The following ALG5 variants were observed in gnomAD, a reference collection of about 807,000 sequenced individuals.
ALG5 encodes ALG5 dolichyl-phosphate beta-glucosyltransferase.
A neutral mutation model predicts 51.8 loss-of-function variants in ALG5; 26 were observed. That is an observed-to-expected ratio of 0.50 (90% confidence interval 0.37 to 0.70). The LOEUF is 0.70. Among genes scored for constraint, ALG5 ranks in the 30% least tolerant of loss-of-function variants. ALG5 has a pLI of 0.00. For missense variants in ALG5, 311 were observed against 399.3 expected (o/e 0.78, Z 1.88); for synonymous variants, 141 against 136.1 (o/e 1.04, Z -0.25).
intron 5 of ALG5, among the ~76,000 whole-genome samples, chr13:36,987,462 A>G (rs2059007076): frequency 6.6e-6 from 1 of 152,138 alleles, no homozygotes; most frequent in South Asian, 2.1e-4. Flanking sequence ...TGCAATAGTG[A>G]GCAAGTTTTC....
At chr13:36,982,415 T>G (rs760366804) in intron 6 of ALG5, among the ~76,000 whole-genome samples, 7 of 152,206 alleles carry the variant, frequency 4.6e-5, no homozygotes, top group Non-Finnish European at 1.0e-4. Flanking sequence ...ATGATTAAAT[T>G]AGATTTAAGA....
intron 3 of ALG5, 91 bp from the exon 4 acceptor site, chr13:36,993,763 T>G: frequency 1.0e-6 from 1 of 966,946 alleles, no homozygotes; most frequent in East Asian, 2.4e-5. Context: ...AACAACTGCT[T>G]TAGTGTTGAT....
intron 6 of ALG5, 41 bp from the exon 7 acceptor site, chr13:36,972,077 T>C (rs1338122110): frequency 7.2e-6 from 10 of 1,385,310 alleles, no homozygotes; most frequent in Non-Finnish European, 9.0e-6. Flanking sequence ...TATTTAAATA[T>C]CACTAATAAA....
At chr13:36,975,988 A>G (rs1201243305) in intron 6 of ALG5, among the ~76,000 whole-genome samples, 1 of 151,064 alleles carries the variant, frequency 6.6e-6, no homozygotes, top group Non-Finnish European at 1.5e-5. Flanking sequence ...AAAAAAAAAC[A>G]AAACAAAACA....
At chr13:36,983,571 T>A (rs76870316) in intron 6 of ALG5, among the ~76,000 whole-genome samples, 1 of 145,832 alleles carries the variant, frequency 6.9e-6, no homozygotes, top group Non-Finnish European at 1.5e-5. Flanking sequence ...TTATCTCCTT[T>A]AAAAAAAAAA....
intron 6 of ALG5, among the ~76,000 whole-genome samples, chr13:36,983,164 C>G (rs573180529): frequency 1.1e-3 from 169 of 152,264 alleles, no homozygotes; most frequent in African/African-American, 3.9e-3. Flanking sequence ...TGCTGAATGA[C>G]AAAATCAGCT....
chr13:36,975,864 T>C (rs1282020002), intron 6 of ALG5, among the ~76,000 whole-genome samples: 2 of 151,170 alleles, frequency 1.3e-5, no homozygotes, highest in African/African-American at 4.9e-5. Flanking sequence ...CTATTAAAAA[T>C]ACAAAAATTG....
intron 8 of ALG5, among the ~76,000 whole-genome samples, chr13:36,958,569 C>T (rs1475522387): frequency 1.3e-5 from 2 of 152,142 alleles, no homozygotes; most frequent in Non-Finnish European, 1.5e-5. Flanking sequence ...CTGCATGACC[C>T]CTACTACGCC....
In ALG5 at chr13:36,949,939, A is replaced by G. The variant is rs1468575713; in HGVS notation, c.*3T>C. The G allele has an allele frequency of 1.3e-6, 2 of 1,598,290 alleles. No individual in the cohort carries two copies. The highest frequency in any genetic ancestry group is 1.7e-6 in the Non-Finnish European group (2 of 1,169,328). On this transcript the variant is annotated 3_prime_UTR_variant, in exon 10 of 10. Coordinates refer to ENST00000239891, the MANE Select transcript of ALG5 (RefSeq NM_013338.5). ...AAGAACACAACTGAAGACTGCAAAC[A>G]ACCTAATTCATTTTCCGAGTTTGCT...
chr13:36,952,726 A>T (rs2058824020), intron 8 of ALG5, 127 bp from the exon 9 acceptor site: 2 of 527,752 alleles, frequency 3.8e-6, no homozygotes. Context: ...TCTGAAGATC[A>T]GATTCACAGA....
Position 36,996,572 on chromosome 13 carries a change from CT to C in ALG5, c.67-977del, listed in dbSNP as rs533435905. 9.9e-5 allele frequency among the ~76,000 whole-genome samples: 15 copies of C among 152,122 alleles called. No individual in the cohort carries two copies. In the East Asian group the frequency reaches 2.1e-3, roughly 22 times the overall value. The stretch of plus-strand genomic sequence containing the variant: ...ATCTGATCGTCCTCCCACTTCCCCC[CT>C]GCCAAAAAAAATTACTGCAATGGAT... On this transcript the variant is annotated intron_variant, in intron 1 of 9. Coordinates refer to ENST00000239891, the MANE Select transcript of ALG5 (RefSeq NM_013338.5).
At chr13:36,987,710 TAA>T (rs2059008276) in intron 5 of ALG5, among the ~76,000 whole-genome samples, 1 of 152,216 alleles carries the variant, frequency 6.6e-6, no homozygotes, top group Non-Finnish European at 1.5e-5. Flanking sequence ...TATAGCAATG[TAA>T]GAATGGCTTA....
chr13:36,964,220 GAA>G (rs1205157886), intron 8 of ALG5, among the ~76,000 whole-genome samples: 3 of 152,248 alleles, frequency 2.0e-5, no homozygotes, highest in African/African-American at 4.8e-5. Flanking sequence ...GGTTAGAAAA[GAA>G]AAGAGTCCGC....
At chr13:36,975,357 G>A (rs1385510988) in intron 6 of ALG5, among the ~76,000 whole-genome samples, 2 of 152,164 alleles carry the variant, frequency 1.3e-5, no homozygotes, top group Non-Finnish European at 2.9e-5. Context: ...GGTTTTAGAT[G>A]TTGCTGATTG....
chr13:36,974,933 C>A (rs1325955565), intron 6 of ALG5, among the ~76,000 whole-genome samples: 1 of 152,178 alleles, frequency 6.6e-6, no homozygotes, highest in African/African-American at 2.4e-5. Flanking sequence ...CCATACAGGG[C>A]CAGGCGCAGT....
chr13:36,977,830 GAAGTA>G (rs2058960265), intron 6 of ALG5, among the ~76,000 whole-genome samples: 1 of 120,440 alleles, frequency 8.3e-6, no homozygotes, highest in Non-Finnish European at 1.7e-5. Flanking sequence ...ACGGTGGTAA[GAAGTA>G]AAGTATATAT....
In ALG5 at chr13:36,952,518, A is replaced by G; in HGVS notation, c.855T>C (p.Ile285=). 1 of 1,595,090 alleles carries G rather than the reference A, an allele frequency of 6.3e-7. No individual in the cohort carries two copies. Among genetic ancestry groups the G allele is most frequent in the Non-Finnish European group, 8.5e-7 (1 of 1,171,276 alleles). Residue 285 remains isoleucine, a synonymous_variant, in exon 9 of 10, where the codon ATT becomes ATC. Transcript: ENST00000239891. ...IAEIAVNWTE[I]EGSKLVPFWS... The stretch of plus-strand genomic sequence containing the variant: ...TACAATAAACAATATACTCACCTTC[A>G]ATTTCTGTCCAGTTGACAGCAATTT...
intron 8 of ALG5, among the ~76,000 whole-genome samples, chr13:36,960,384 T>G (rs2058860296): frequency 6.6e-6 from 1 of 152,166 alleles, no homozygotes; most frequent in South Asian, 2.1e-4. Context: ...GCCACAGCTA[T>G]GGAGTGGAAA....
At chr13:36,962,887 A>G (rs2058874356) in intron 8 of ALG5, among the ~76,000 whole-genome samples, 1 of 152,294 alleles carries the variant, frequency 6.6e-6, no homozygotes, top group Admixed American at 6.5e-5. Context: ...CTTTTTTCAT[A>G]CTGATTGCAT....
Sources: allele counts gnomAD v4.1 joint callset (sites outside exome capture counted in the v4.1 genomes callset), GRCh38; gene constraint gnomAD v4.1.1; transcripts MANE v1.5; gene names NCBI Gene and HGNC (gene_info 2026-07-23, HGNC 2026-07-21).